Variants in AGRN observed in about 807,000 individuals in gnomAD.
AGRN encodes agrin proteoglycan.
Under a neutral mutation model 211.0 loss-of-function variants are expected in AGRN, and 106 were observed. The observed-to-expected ratio is 0.50, with a 90% CI of 0.43 to 0.59. AGRN has a LOEUF of 0.59. Among genes scored for constraint, AGRN ranks in the 20% least tolerant of loss-of-function variants. AGRN has a pLI of 0.00. For missense variants in AGRN, 3,040 were observed against 2,982.6 expected (o/e 1.02, Z -0.45); for synonymous variants, 1,525 against 1,332.5 (o/e 1.14, Z -3.15).
In AGRN at chr1:1,035,306, C is replaced by T. The variant is rs780988647; in HGVS notation, c.493C>T (p.Pro165Ser). 2 of 1,613,104 alleles carry T rather than the reference C, an allele frequency of 1.2e-6. No individual in the cohort carries two copies. The highest frequency in any genetic ancestry group is 3.3e-5 in the Admixed American group (2 of 60,032). ...ACCCGGGACCCACTTCACTCCAGTG[C>T]CTCCGACGCCTCCTGATGGTGAGTA... ...DKPGTHFTPVPPTPPDACRGM... is the reference protein window; with the variant it reads ...DKPGTHFTPVSPTPPDACRGM... Residue 165 changes from proline (P) to serine (S), a missense_variant, in exon 3 of 36, where the codon CCT becomes TCT. Physicochemically the swap from Pro to Ser is moderately conservative, Grantham distance 74. Around this residue, in one of 3 missense-constraint regions of AGRN, gnomAD observed 1,498 missense variants for 1,457.8 expected, o/e 1.03. Transcript: ENST00000379370.
chr1:1,048,417 G>A lies in AGRN; in HGVS notation c.4105+52G>A, dbSNP rs1181444317. On this transcript the variant is annotated intron_variant, in intron 23 of 35. Transcript: ENST00000379370. The surrounding 1 kb of genome is among the most constrained non-coding windows in gnomAD (Gnocchi z 5.9). ...CGGGGAGGCAGCAGGGTGGGGGCAA[G>A]GATTGGGGGTGGGGCTAAGCCACCA... The A allele has an allele frequency of 3.1e-6, 4 of 1,277,438 alleles. No individual in the cohort carries two copies. The highest frequency in any genetic ancestry group is 5.2e-5 in the East Asian group (2 of 38,714). 79.1% of individuals were successfully genotyped at this position (1,277,438 alleles called of 1,614,324 possible).
Position 1,045,807 on chromosome 1 carries a change from G to T in AGRN, c.2611G>T (p.Gly871Trp), listed in dbSNP as rs756920232. The T allele has an allele frequency of 6.8e-6, 11 of 1,612,896 alleles. No individual in the cohort carries two copies. The African/African-American group carries it at 9.3e-5, about 14-fold the overall frequency. The change falls in exon 15 of 36, where the codon GGG becomes TGG. Residue 871 changes from glycine (G) to tryptophan (W), a missense_variant. By Grantham distance (184) the Gly-to-Trp change is radical. Transcript: ENST00000379370. ...GACGGGGCTGTGCTCGTGTAAGCCC[G>T]GGGTGGCTGGACCCAAGTGTGGGCA... ...QMTGLCSCKP[G>W]VAGPKCGQCP...
rs751466631 is a variant in AGRN at position 1,040,798 on chromosome 1, C to T, written c.645C>T (p.Ser215=). The part of the protein sequence containing the change: ...VVAPVCGSDA[S]TYSNECELQR... ...CGCCTGTGTGTGGGTCGGACGCCTCCACCTACAGCAACGAATGCGAGCTGC... is the reference window on the plus strand; with the variant it reads ...CGCCTGTGTGTGGGTCGGACGCCTCTACCTACAGCAACGAATGCGAGCTGC... The change falls in exon 4 of 36, where the codon TCC becomes TCT. Residue 215 remains serine (S), a synonymous_variant. Transcript: ENST00000379370. 1.4e-5 allele frequency: 21 copies of T among 1,539,164 alleles called. No homozygotes were observed. The highest frequency in any genetic ancestry group is 1.7e-4 in the Middle Eastern group (1 of 5,856).
chr1:1,047,421 G>C lies in AGRN; in HGVS notation c.3483G>C (p.Leu1161=), dbSNP rs758849777. The part of the protein sequence containing the change: ...TPEMADPKSE[L]FGETARSIES... ...AGATGGCTGACCCCAAGTCAGAACT[G>C]TTCGGGGAGACAGCCAGGAGCATTG... Residue 1161 remains leucine, a synonymous_variant, in exon 20 of 36, where the codon CTG becomes CTC. Coordinates refer to ENST00000379370, the MANE Select transcript of AGRN (RefSeq NM_198576.4). 1 of 1,612,832 alleles carries C rather than the reference G, an allele frequency of 6.2e-7. No individual in the cohort carries two copies.
intron 3 of AGRN, among the ~76,000 whole-genome samples, chr1:1,036,737 C>G (rs920989392): frequency 6.6e-6 from 1 of 152,124 alleles, no homozygotes; most frequent in African/African-American, 2.4e-5. Context: ...CAGGCTGTTC[C>G]TATGAGATCC....
intron 2 of AGRN, among the ~76,000 whole-genome samples, chr1:1,027,722 C>G (rs1395406977): frequency 1.3e-5 from 2 of 152,194 alleles, no homozygotes; most frequent in East Asian, 3.9e-4. Context: ...GATGCCCACC[C>G]CTGCCCAGAT....
At position 1,048,891 on chromosome 1, in the gene AGRN, T is replaced by C. The variant is rs1368273211; in HGVS notation, c.4130T>C (p.Phe1377Ser). 1 of 1,544,592 alleles carries C rather than the reference T, an allele frequency of 6.5e-7. No individual in the cohort carries two copies. The highest frequency in any genetic ancestry group is 1.4e-5 in the African/African-American group (1 of 72,932). The change falls in exon 24 of 36, where the codon TTC (phenylalanine) becomes TCC (serine). Residue 1377 changes from phenylalanine (F) to serine (S), a missense_variant. This residue lies in a region of AGRN where 1,537 missense variants were observed against 1,505.0 expected (regional missense o/e 1.02). Transcript: ENST00000379370. This position sits in a 1 kb window ranked among gnomAD's most constrained non-coding sequence, Gnocchi z 5.9. The stretch of plus-strand genomic sequence containing the variant: ...GTGCTTGGCGCCCCTGTGCCGGCCT[T>C]CGAGGGCCGCTCCTTCCTGGCCTTC... ...EKVLGAPVPA[F>S]EGRSFLAFPT...
At position 1,049,814 on chromosome 1, in the gene AGRN, C is replaced by T. The variant is rs759402291; in HGVS notation, c.4744+19C>T. ...CGCGTCGGTGAGGGTGGGGCCGGGG[C>T]GGGTGGGAGTGGGACCCCGGGGCCT... On this transcript the variant is annotated intron_variant, in intron 26 of 35. Transcript: ENST00000379370. 10 of 1,605,508 alleles carry T rather than the reference C, an allele frequency of 6.2e-6. No homozygotes were observed. Among genetic ancestry groups the T allele is most frequent in the Admixed American group, 5.1e-5 (3 of 59,180 alleles).
chr1:1,043,929 C>T lies in AGRN; in HGVS notation c.1905C>T (p.Asp635=), dbSNP rs760842605. 17 of 1,609,108 alleles carry T rather than the reference C, an allele frequency of 1.1e-5. No individual in the cohort carries two copies. Among genetic ancestry groups the T allele is most frequent in the African/African-American group, 2.7e-5 (2 of 74,906 alleles). Reference sequence around the variant, plus strand: ...CGCCCGGCCCCGTGTGTGGCAGCGACGGTGTCACCTACGGCAGTGCCTGCG... The same window carrying T: ...CGCCCGGCCCCGTGTGTGGCAGCGATGGTGTCACCTACGGCAGTGCCTGCG... The part of the protein sequence containing the change: ...HPPPGPVCGS[D]GVTYGSACEL... The change falls in exon 10 of 36, where the codon GAC becomes GAT. Residue 635 remains aspartate (D), a synonymous_variant. Coordinates refer to ENST00000379370, the MANE Select transcript of AGRN (RefSeq NM_198576.4).
chr1:1,051,778 C>A lies in AGRN; in HGVS notation c.5614C>A (p.Arg1872=), dbSNP rs751301380. 1 of 1,613,812 alleles carries A rather than the reference C, an allele frequency of 6.2e-7. No homozygotes were observed. Among genetic ancestry groups the A allele is most frequent in the Non-Finnish European group, 8.5e-7 (1 of 1,179,972 alleles). The change falls in exon 33 of 36, where the codon CGG becomes AGG. Residue 1872 remains arginine (R), a synonymous_variant. Transcript: ENST00000379370. ...GDVDTLAFDG[R]TFVEYLNAVT... The stretch of plus-strand genomic sequence containing the variant: ...CGTGGATACCTTGGCCTTTGACGGG[C>A]GGACCTTTGTCGAGTACCTCAACGC...
chr1:1,046,558 C>T lies in AGRN; in HGVS notation c.3073C>T (p.Arg1025Trp), dbSNP rs749154999. ...CACCCCTCCGCCCTCATCACGACCT[C>T]GGACCACTGCCAGCGTCCCCAGGAC... ...QTTPPPSSRPRTTASVPRTTV... is the reference protein window; with the variant it reads ...QTTPPPSSRPWTTASVPRTTV... The change falls in exon 18 of 36, where the codon CGG becomes TGG. Residue 1025 changes from arginine to tryptophan, a missense_variant. Physicochemically the swap from Arg to Trp is moderately radical, Grantham distance 101. This residue lies in a region of AGRN where 1,537 missense variants were observed against 1,505.0 expected (regional missense o/e 1.02). Coordinates refer to ENST00000379370, the MANE Select transcript of AGRN (RefSeq NM_198576.4). The T allele has an allele frequency of 1.1e-5, 17 of 1,609,464 alleles. No homozygotes were observed. Among genetic ancestry groups the T allele is most frequent in the African/African-American group, 2.7e-5 (2 of 74,896 alleles).
At position 1,020,264 on chromosome 1, in the gene AGRN, G is replaced by C; in HGVS notation, c.92G>C (p.Cys31Ser). ...ACVLPGAGGTCPERALERREE... is the reference protein window; with the variant it reads ...ACVLPGAGGTSPERALERREE... ...GTCCTGCCCGGAGCCGGCGGGACAT[G>C]CCCGGAGCGCGCGCTGGAGCGGCGC... Residue 31 changes from cysteine (C) to serine (S), a missense_variant, in exon 1 of 36, where the codon TGC becomes TCC. This residue lies in a region of AGRN where 1,498 missense variants were observed against 1,457.8 expected (regional missense o/e 1.03). Transcript: ENST00000379370. 6.8e-7 allele frequency: 1 copy of C among 1,467,160 alleles called. No homozygotes were observed. Among genetic ancestry groups the C allele is most frequent in the Non-Finnish European group, 9.0e-7 (1 of 1,109,586 alleles). 90.9% of individuals were successfully genotyped at this position (1,467,160 alleles called of 1,614,324 possible).
In AGRN at chr1:1,053,148, C is replaced by G. The variant is rs150140696; in HGVS notation, c.5652-605C>G. 2.2e-4 allele frequency: 65 copies of G among 289,824 alleles called. No individual in the cohort carries two copies. In the East Asian group the frequency reaches 6.7e-3, roughly 30 times the overall value. 18.0% of individuals were successfully genotyped at this position (289,824 alleles called of 1,614,324 possible). A position where few individuals can be genotyped will look rare whatever the true frequency, so the allele number is the denominator to read the frequency against. Reference sequence around the variant, plus strand: ...ACCACCCTACGCCTACCTCCTTGATCTCTGCGCCCAGCCTTGGCTGTGCTC... The same window carrying G: ...ACCACCCTACGCCTACCTCCTTGATGTCTGCGCCCAGCCTTGGCTGTGCTC... On this transcript the variant is annotated intron_variant, in intron 33 of 35. Coordinates refer to ENST00000379370, the MANE Select transcript of AGRN (RefSeq NM_198576.4).
At chr1:1,033,308 T>A (rs1413401547) in intron 2 of AGRN, among the ~76,000 whole-genome samples, 1 of 151,238 alleles carries the variant, frequency 6.6e-6, no homozygotes, top group Non-Finnish European at 1.5e-5. Context: ...CCTGGGGCCC[T>A]CCCCCACCTA....
Position 1,048,078 on chromosome 1 carries a change from C to T in AGRN, c.3818C>T (p.Ala1273Val). 6.3e-7 allele frequency: 1 copy of T among 1,582,284 alleles called. No individual in the cohort carries two copies. Among genetic ancestry groups the T allele is most frequent in the Admixed American group, 1.7e-5 (1 of 58,226 alleles). The part of the protein sequence containing the change: ...GAIAAGATAR[A>V]TTASRLPSSA... Reference sequence around the variant, plus strand: ...ATTGCTGCGGGAGCCACGGCCAGAGCCACCACTGCATCGCGCCTGCCGTCC... The same window carrying T: ...ATTGCTGCGGGAGCCACGGCCAGAGTCACCACTGCATCGCGCCTGCCGTCC... The change falls in exon 23 of 36, where the codon GCC becomes GTC. Residue 1273 changes from alanine (A) to valine (V), a missense_variant. Ala to Val is a moderately conservative substitution (Grantham distance 64). Transcript: ENST00000379370. The surrounding 1 kb of genome is among the most constrained non-coding windows in gnomAD (Gnocchi z 5.9).
Position 1,041,415 on chromosome 1 carries a change from C to T in AGRN, c.952+18C>T, listed in dbSNP as rs1178343818. The T allele has an allele frequency of 1.3e-6, 2 of 1,543,060 alleles. No homozygotes were observed. Among genetic ancestry groups the T allele is most frequent in the Non-Finnish European group, 1.7e-6 (2 of 1,151,034 alleles). The stretch of plus-strand genomic sequence containing the variant: ...CCCTTGTGGTGAGCGCGGCGGCGGG[C>T]GCACGGCTCGAGCTCTGTGGGCGCG... On this transcript the variant is annotated intron_variant, in intron 5 of 35. Coordinates refer to ENST00000379370, the MANE Select transcript of AGRN (RefSeq NM_198576.4).
chr1:1,050,698 G>T (rs1403445713), intron 29 of AGRN, 28 bp from the exon 30 acceptor site: 9 of 1,600,018 alleles, frequency 5.6e-6, no homozygotes, highest in Non-Finnish European at 6.8e-6. Flanking sequence ...GGTGGACAGA[G>T]CCCACTCACG....
At chr1:1,047,538 C>G (rs907321372) in intron 20 of AGRN, 35 bp from the exon 21 acceptor site, 1 of 1,612,418 alleles carries the variant, frequency 6.2e-7, no homozygotes. Flanking sequence ...CCGGCTTGGG[C>G]GGCCCCCCAA....
Position 1,020,274 on chromosome 1 carries a change from C to T in AGRN, c.102C>T (p.Arg34=), listed in dbSNP as rs1033464887. ...GAGCCGGCGGGACATGCCCGGAGCG[C>T]GCGCTGGAGCGGCGCGAGGAGGAGG... ...LPGAGGTCPE[R]ALERREEEAN... The change falls in exon 1 of 36, where the codon CGC becomes CGT. Residue 34 remains arginine (R), a synonymous_variant. Coordinates refer to ENST00000379370, the MANE Select transcript of AGRN (RefSeq NM_198576.4). 69 of 1,469,460 alleles carry T rather than the reference C, an allele frequency of 4.7e-5. No homozygotes were observed. The highest frequency in any genetic ancestry group is 2.3e-4 in the Middle Eastern group (1 of 4,322). The allele number at this position is 1,469,460 out of a possible 1,614,324, so 91.0% of individuals were successfully genotyped here.
Sources: allele counts gnomAD v4.1 joint callset (sites outside exome capture counted in the v4.1 genomes callset), GRCh38; gene constraint gnomAD v4.1.1; regional missense constraint gnomAD v4.1.1; non-coding constraint Gnocchi (gnomAD v3.1); transcripts MANE v1.5; gene names NCBI Gene and HGNC (gene_info 2026-07-23, HGNC 2026-07-21).